PCBP3: variants seen among roughly 807,000 people sequenced by gnomAD.
PCBP3 encodes poly(rC) binding protein 3.
A neutral mutation model predicts 52.7 loss-of-function variants in PCBP3; 25 were observed. That is an observed-to-expected ratio of 0.47 (90% CI 0.35 to 0.66). The LOEUF (loss-of-function observed/expected upper bound fraction) is 0.66. Ranked by LOEUF, PCBP3 falls within the 30% of genes least tolerant of loss-of-function variation. The pLI, the probability that PCBP3 is intolerant of heterozygous loss-of-function variation, is 0.01. For synonymous variants in PCBP3, 162 were observed against 183.0 expected (o/e 0.89, Z 0.93); for missense variants, 391 against 490.3 (o/e 0.80, Z 1.91).
At chr21:45,667,075 G>GTTCTTTCTTTCTTTCTTTCTTTCTTTCC in intron 1 of PCBP3, among the ~76,000 whole-genome samples, 1 of 147,552 alleles carries the variant, frequency 6.8e-6, no homozygotes, top group Non-Finnish European at 1.5e-5. Context: ...GCATCTGTTT[G>GTTCTTTCTTTCTTTCTTTCTTTCTTTCC]TTCTTTCTTT....
At chr21:45,691,301 G>A (rs1197864659) in intron 2 of PCBP3, among the ~76,000 whole-genome samples, 1 of 150,596 alleles carries the variant, frequency 6.6e-6, no homozygotes, top group Non-Finnish European at 1.5e-5. Flanking sequence ...GCCCAGACTG[G>A]AAGGTGAGAG....
In PCBP3 at chr21:45,768,562, A is replaced by G. The variant is rs986895908; in HGVS notation, c.-126+13110A>G. On this transcript the variant is annotated intron_variant, in intron 4 of 17. Coordinates refer to ENST00000681687, the MANE Select transcript of PCBP3 (RefSeq NM_001384156.1). Reference sequence around the variant, plus strand: ...TGTGTGATAGCTTCCTGGTAATTCAACTTGATTTAGTGTAGTACAGCAGCA... The same window carrying G: ...TGTGTGATAGCTTCCTGGTAATTCAGCTTGATTTAGTGTAGTACAGCAGCA... Among the ~76,000 whole-genome samples the G allele has an allele frequency of 3.9e-5, 6 of 152,308 alleles. No homozygotes were observed. The East Asian group carries it at 9.6e-4, about 24-fold the overall frequency.
rs753659367 is a variant in PCBP3, at chr21:45,940,086, G to A, written c.966G>A (p.Met322Ile). ...QGTKINEIRQ[M>I]SGAQIKIANA... ...CCAAAATCAATGAAATTCGACAGAT[G>A]TCTGGAGCTCAGATCAAAATCGCCA... Residue 322 changes from methionine to isoleucine, a missense_variant, in exon 17 of 18, where the codon ATG becomes ATA. Physicochemically the swap from Met to Ile is conservative, Grantham distance 10 (BLOSUM62 1). Transcript: ENST00000681687. The A allele has an allele frequency of 6.2e-7, 1 of 1,614,184 alleles. No individual in the cohort carries two copies. The highest frequency in any genetic ancestry group is 8.5e-7 in the Non-Finnish European group (1 of 1,179,998).
chr21:45,926,997 A>C (rs192645132), intron 13 of PCBP3, among the ~76,000 whole-genome samples: 1 of 152,260 alleles, frequency 6.6e-6, no homozygotes, highest in African/African-American at 2.4e-5. Context: ...AGCAAAAATC[A>C]AGCAATAAGA....
At chr21:45,787,645 C>T (rs978324109) in intron 4 of PCBP3, among the ~76,000 whole-genome samples, 1 of 152,166 alleles carries the variant, frequency 6.6e-6, no homozygotes, top group East Asian at 1.9e-4. Flanking sequence ...TGCTTGGGCC[C>T]TGGTGGTCAC....
At chr21:45,686,839 C>A (rs2147689574) in intron 2 of PCBP3, among the ~76,000 whole-genome samples, 1 of 151,752 alleles carries the variant, frequency 6.6e-6, no homozygotes, top group Non-Finnish European at 1.5e-5. Context: ...TAGAAAAGAC[C>A]CAAACTAAAA....
intron 4 of PCBP3, among the ~76,000 whole-genome samples, chr21:45,793,258 G>C (rs2091725851): frequency 6.6e-6 from 1 of 152,162 alleles, no homozygotes; most frequent in Non-Finnish European, 1.5e-5. Flanking sequence ...CTCACAGAAT[G>C]GGCAGCATGA....
intron 4 of PCBP3, among the ~76,000 whole-genome samples, chr21:45,810,041 T>A (rs1186575871): frequency 2.6e-5 from 4 of 152,164 alleles, no homozygotes; most frequent in African/African-American, 7.2e-5. Context: ...GAAAAAAGAT[T>A]TATTGTGAAG....
intron 2 of PCBP3, among the ~76,000 whole-genome samples, chr21:45,684,646 C>A (rs1401730405): frequency 2.0e-5 from 3 of 152,194 alleles, no homozygotes; most frequent in Admixed American, 6.5e-5. Context: ...CTTTCACCTT[C>A]CACCATGAGT....
At chr21:45,834,909 A>T (rs577591489) in intron 4 of PCBP3, among the ~76,000 whole-genome samples, 1 of 152,326 alleles carries the variant, frequency 6.6e-6, no homozygotes, top group Admixed American at 6.5e-5. Flanking sequence ...CGGCAGCAGG[A>T]ATGGGGAGGC....
intron 4 of PCBP3, among the ~76,000 whole-genome samples, chr21:45,815,824 A>G (rs2092919195): frequency 9.4e-6 from 1 of 106,426 alleles, no homozygotes; most frequent in Non-Finnish European, 1.9e-5. Context: ...GTGAGTGGTG[A>G]GTGGTGAGTG....
intron 5 of PCBP3, among the ~76,000 whole-genome samples, chr21:45,852,559 G>A (rs1175628658): frequency 4.7e-5 from 7 of 150,014 alleles, no homozygotes; most frequent in African/African-American, 1.7e-4. Context: ...CCTGACTTTT[G>A]TTCAGAAGGA....
intron 2 of PCBP3, among the ~76,000 whole-genome samples, chr21:45,706,983 T>G (rs2083488812): frequency 6.6e-6 from 1 of 152,182 alleles, no homozygotes; most frequent in Admixed American, 6.5e-5. Context: ...TGTCAGCAAG[T>G]TTATTTTGTC....
chr21:45,866,363 C>T (rs547437442), intron 5 of PCBP3, among the ~76,000 whole-genome samples: 11 of 152,282 alleles, frequency 7.2e-5, no homozygotes, highest in Admixed American at 5.9e-4. Context: ...GGGTTCTTAT[C>T]GCAAGGAAAT....
At chr21:45,644,499 G>T (rs887294875) in intron 1 of PCBP3, among the ~76,000 whole-genome samples, 1 of 124,776 alleles carries the variant, frequency 8.0e-6, no homozygotes, top group Non-Finnish European at 1.7e-5. Flanking sequence ...CTTGTTTCGT[G>T]AAAGAGTTTT....
rs1338689904 is a variant in PCBP3, at chr21:45,767,315, G to T, written c.-126+11863G>T. ...TATAAATGGAACCACACAGCGTCTG[G>T]CTTCTTTCACTTGCATCCTGTTTTT... On this transcript the variant is annotated intron_variant, in intron 4 of 17. Coordinates refer to ENST00000681687, the MANE Select transcript of PCBP3 (RefSeq NM_001384156.1). Among the ~76,000 whole-genome samples the T allele has an allele frequency of 4.6e-5, 7 of 152,272 alleles. No homozygotes were observed. The East Asian group carries it at 1.3e-3, about 29-fold the overall frequency.
chr21:45,841,941 C>T (rs1267492735), intron 4 of PCBP3, among the ~76,000 whole-genome samples: 1 of 152,242 alleles, frequency 6.6e-6, no homozygotes, highest in Non-Finnish European at 1.5e-5. Flanking sequence ...ACTCTCCACG[C>T]TGAGCTGTTT....
At chr21:45,797,856 G>A (rs62214566) in intron 4 of PCBP3, among the ~76,000 whole-genome samples, 66 of 33,838 alleles carry the variant, frequency 2.0e-3, no homozygotes, top group African/African-American at 6.4e-3. Flanking sequence ...ATGGATGGAC[G>A]AATGCATGGA....
intron 3 of PCBP3, among the ~76,000 whole-genome samples, chr21:45,752,604 A>C (rs1260383121): frequency 6.6e-6 from 1 of 151,990 alleles, no homozygotes; most frequent in Admixed American, 6.5e-5. Context: ...AGAGCTTTAA[A>C]AATCATGTAA....
Sources: gnomAD v4.1 joint callset for allele counts (sites outside exome capture counted in the v4.1 genomes callset) on GRCh38, gnomAD v4.1.1 for gene constraint, MANE v1.5 for transcripts, NCBI Gene and HGNC (gene_info 2026-07-23, HGNC 2026-07-21) for gene names.